The following TXNDC16 variants were observed in gnomAD, a reference collection of about 807,000 sequenced individuals.
The protein encoded by TXNDC16 is thioredoxin domain containing 16, also known as thioredoxin domain-containing protein 16.
Under a neutral mutation model 85.6 loss-of-function variants are expected in TXNDC16, and 74 were observed. The ratio of observed to expected loss-of-function variants is 0.86; its 90% CI spans 0.72 to 1.05. TXNDC16 has a LOEUF of 1.05. Among genes scored for constraint, TXNDC16 ranks in the 50% least tolerant of loss-of-function variants. The probability of loss-of-function intolerance (pLI) is 0.00; values close to 1 mark genes in which losing one functional copy is unlikely to be tolerated. For missense variants in TXNDC16, 959 were observed against 947.0 expected (o/e 1.01, Z -0.17); for synonymous variants, 335 against 326.5 (o/e 1.03, Z -0.28).
intron 14 of TXNDC16, among the ~76,000 whole-genome samples, chr14:52,480,961 G>GTATATATATATATGTATATA (rs1555336868): frequency 3.4e-5 from 4 of 118,566 alleles, no homozygotes; most frequent in Non-Finnish European, 6.9e-5. Context: ...GTGTGTGTGT[G>GTATATATATATATGTATATA]TATATATATA....
At chr14:52,438,509 T>C (rs2035085353) in intron 20 of TXNDC16, among the ~76,000 whole-genome samples, 2 of 152,226 alleles carry the variant, frequency 1.3e-5, no homozygotes, top group Admixed American at 6.5e-5. Context: ...TTTAGCAATA[T>C]TTTAAAACTA....
At chr14:52,484,618 A>G (rs186444433) in intron 12 of TXNDC16, among the ~76,000 whole-genome samples, 1 of 152,256 alleles carries the variant, frequency 6.6e-6, no homozygotes, top group Admixed American at 6.5e-5. Flanking sequence ...AGTGGCTCAC[A>G]CCTGTAATCC....
chr14:52,485,455 T>G (rs562628354), intron 12 of TXNDC16, among the ~76,000 whole-genome samples: 16 of 152,304 alleles, frequency 1.1e-4, no homozygotes, highest in African/African-American at 3.4e-4. Flanking sequence ...ATAAATTTAG[T>G]ACAGCCTAAG....
chr14:52,471,539 A>G (rs773178406), intron 14 of TXNDC16, among the ~76,000 whole-genome samples: 2 of 152,178 alleles, frequency 1.3e-5, no homozygotes, highest in African/African-American at 2.4e-5. Flanking sequence ...GACATATGCT[A>G]TTATAGAACC....
At chr14:52,538,811 T>C (rs1164212780) in intron 4 of TXNDC16, among the ~76,000 whole-genome samples, 1 of 152,038 alleles carries the variant, frequency 6.6e-6, no homozygotes. Flanking sequence ...TTTAATGGGA[T>C]TTGAGGAAGA....
At chr14:52,529,793 A>G (rs538539129) in intron 6 of TXNDC16, among the ~76,000 whole-genome samples, 2 of 116,952 alleles carry the variant, frequency 1.7e-5, no homozygotes, top group Admixed American at 2.1e-4. Context: ...TATATTATAT[A>G]ATAATTATAT....
chr14:52,507,888 T>C (rs2036851483), intron 9 of TXNDC16, among the ~76,000 whole-genome samples: 1 of 152,192 alleles, frequency 6.6e-6, no homozygotes, highest in East Asian at 1.9e-4. Flanking sequence ...CTGGATCCCT[T>C]CCTTATACCT....
At chr14:52,508,820 A>C (rs896058497) in intron 9 of TXNDC16, among the ~76,000 whole-genome samples, 1 of 152,214 alleles carries the variant, frequency 6.6e-6, no homozygotes, top group African/African-American at 2.4e-5. Flanking sequence ...GCAAGGACAA[A>C]AAAACCAAAC....
rs533655487 is a variant in TXNDC16 at position 52,444,324 on chromosome 14, G to C, written c.1843-3600C>G. The stretch of plus-strand genomic sequence containing the variant: ...AATACTAAACCCTATTTCCTAACAG[G>C]AAACAGTCTTAAATATATCAATGCT... On this transcript the variant is annotated intron_variant, in intron 18 of 20. Transcript: ENST00000281741. Among the ~76,000 whole-genome samples, 4 of 152,174 alleles carry C rather than the reference G, an allele frequency of 2.6e-5. No individual in the cohort carries two copies. The East Asian group carries it at 5.8e-4, about 22-fold the overall frequency.
At chr14:52,473,901 A>AATG (rs59252937) in intron 14 of TXNDC16, among the ~76,000 whole-genome samples, 7 of 151,772 alleles carry the variant, frequency 4.6e-5, no homozygotes, top group African/African-American at 1.7e-4. Context: ...AAGGTATTAT[A>AATG]TTTTCCTAAC....
At chr14:52,496,890 C>A (rs571763550) in intron 9 of TXNDC16, among the ~76,000 whole-genome samples, 13 of 152,144 alleles carry the variant, frequency 8.5e-5, no homozygotes, top group African/African-American at 2.6e-4. Flanking sequence ...GGATTATAGG[C>A]GGGAACCACT....
intron 6 of TXNDC16, among the ~76,000 whole-genome samples, chr14:52,527,088 A>G (rs2037353709): frequency 6.6e-6 from 1 of 152,186 alleles, no homozygotes; most frequent in African/African-American, 2.4e-5. Context: ...TAATACACCA[A>G]TAAATGTAAA....
At chr14:52,506,084 G>C (rs933229239) in intron 9 of TXNDC16, among the ~76,000 whole-genome samples, 3 of 152,108 alleles carry the variant, frequency 2.0e-5, no homozygotes, top group East Asian at 1.9e-4. Context: ...ATAATTAATA[G>C]CTTACCAACC....
intron 9 of TXNDC16, among the ~76,000 whole-genome samples, chr14:52,508,686 A>C (rs550987568): frequency 1.3e-4 from 20 of 152,324 alleles, no homozygotes; most frequent in Non-Finnish European, 2.4e-4. Flanking sequence ...ACAATGATAG[A>C]CTGGATTAAC....
At chr14:52,548,407 TC>T (rs1439730006) in intron 1 of TXNDC16, among the ~76,000 whole-genome samples, 3 of 152,258 alleles carry the variant, frequency 2.0e-5, no homozygotes, top group African/African-American at 7.2e-5. Flanking sequence ...CTTCAGATGT[TC>T]CTGTAGATAA....
At chr14:52,530,348 T>TTATAATATAATATATATTATTA (rs2037494792) in intron 6 of TXNDC16, among the ~76,000 whole-genome samples, 3 of 42,574 alleles carry the variant, frequency 7.0e-5, no homozygotes, top group African/African-American at 3.6e-4. Flanking sequence ...TAATTATATA[T>TTATAATATAATATATATTATTA]TATAATATAA....
At chr14:52,449,366 A>G (rs933933764) in intron 18 of TXNDC16, among the ~76,000 whole-genome samples, 7 of 152,306 alleles carry the variant, frequency 4.6e-5, no homozygotes, top group Admixed American at 3.9e-4. Context: ...GTCACTATAC[A>G]ATGATAAAGG....
Position 52,469,972 on chromosome 14 carries a change from A to T in TXNDC16, c.1618+65T>A, listed in dbSNP as rs922926768. 12 of 1,413,322 alleles carry T rather than the reference A, an allele frequency of 8.5e-6. No homozygotes were observed. In the Admixed American group the frequency reaches 2.9e-4, roughly 35 times the overall value. The allele number at this position is 1,413,322 out of a possible 1,614,324, so 87.5% of individuals were successfully genotyped here. On this transcript the variant is annotated intron_variant, in intron 16 of 20. Transcript: ENST00000281741. The stretch of plus-strand genomic sequence containing the variant: ...CTCTATAATTTAAAAAGATATTCTT[A>T]AAAAATAAAACTAGCAAGCAATGAT...
chr14:52,434,511 C>T (rs1263611557), intron 20 of TXNDC16, among the ~76,000 whole-genome samples: 2 of 152,074 alleles, frequency 1.3e-5, no homozygotes, highest in Admixed American at 6.5e-5. Context: ...ATTTTATAGA[C>T]GAGAACACTA....
Sources: gnomAD v4.1 joint callset for allele counts (sites outside exome capture counted in the v4.1 genomes callset) on GRCh38, gnomAD v4.1.1 for gene constraint, MANE v1.5 for transcripts, NCBI Gene and HGNC (gene_info 2026-07-23, HGNC 2026-07-21) for gene names.